PARN: variants seen among roughly 807,000 people sequenced by gnomAD.
PARN encodes poly(A)-specific ribonuclease.
A neutral mutation model predicts 102.8 loss-of-function variants in PARN; 71 were observed. The observed-to-expected ratio is 0.69, with a 90% confidence interval of 0.57 to 0.84. PARN has a LOEUF of 0.84. PARN is among the 40% of genes least tolerant of loss of function. The probability of loss-of-function intolerance (pLI) is 0.00; values close to 1 mark genes in which losing one functional copy is unlikely to be tolerated. For missense variants in PARN, 782 were observed against 760.9 expected (o/e 1.03, Z -0.33); for synonymous variants, 261 against 252.9 (o/e 1.03, Z -0.30).
intron 5 of PARN, among the ~76,000 whole-genome samples, chr16:14,619,138 G>C (rs939496083): frequency 6.6e-6 from 1 of 151,996 alleles, no homozygotes; most frequent in African/African-American, 2.4e-5. Context: ...AGGAGGTTGA[G>C]GCTGTAGTGG....
At chr16:14,456,454 G>A (rs373946216) in intron 22 of PARN, among the ~76,000 whole-genome samples, 23 of 152,084 alleles carry the variant, frequency 1.5e-4, no homozygotes, top group South Asian at 8.3e-4. Context: ...TATTATAGGC[G>A]TGAACCATCA....
intron 12 of PARN, 41 bp downstream of exon 12, chr16:14,599,863 A>C: frequency 8.1e-7 from 1 of 1,234,664 alleles, no homozygotes; most frequent in Non-Finnish European, 1.2e-6. Flanking sequence ...CACCTGAAAT[A>C]GTATGTTCTG....
rs114773691 is a variant in PARN, at chr16:14,478,724, G to C, written c.1670+3914C>G. 2.0e-3 allele frequency among the ~76,000 whole-genome samples: 310 copies of C among 152,268 alleles called. 1 individual carries two copies. The highest frequency in any genetic ancestry group is 7.1e-3 in the African/African-American group (295 of 41,558). Reference sequence around the variant, plus strand: ...TGGAATATTTTAAAAAATCCTATCAGAACAAATAAGTGAATTTAAAAAGGT... The same window carrying C: ...TGGAATATTTTAAAAAATCCTATCACAACAAATAAGTGAATTTAAAAAGGT... On this transcript the variant is annotated intron_variant, in intron 22 of 23. Coordinates refer to ENST00000437198, the MANE Select transcript of PARN (RefSeq NM_002582.4).
At chr16:14,630,073 T>C in intron 1 of PARN, 34 bp downstream of exon 1, 1 of 1,544,998 alleles carries the variant, frequency 6.5e-7, no homozygotes, top group Non-Finnish European at 8.8e-7. Flanking sequence ...CAGCCGGGTG[T>C]GGGGAGGCGG....
At chr16:14,597,723 T>TCATGAACCA (rs1970612029) in intron 12 of PARN, among the ~76,000 whole-genome samples, 1 of 151,744 alleles carries the variant, frequency 6.6e-6, no homozygotes, top group South Asian at 2.1e-4. Flanking sequence ...TTGATCGACA[T>TCATGAACCA]CATGAACCAT....
At chr16:14,536,436 T>G (rs1490712665) in intron 21 of PARN, among the ~76,000 whole-genome samples, 6 of 152,222 alleles carry the variant, frequency 3.9e-5, no homozygotes, top group Non-Finnish European at 8.8e-5. Context: ...AAGAGCAAAC[T>G]GGCAGATTAA....
intron 1 of PARN, 71 bp from the exon 2 acceptor site, chr16:14,629,745 C>G: frequency 8.8e-7 from 1 of 1,133,224 alleles, no homozygotes; most frequent in South Asian, 1.2e-5. Flanking sequence ...GGAAGGAGGG[C>G]CGAGGAGCTC....
intron 21 of PARN, among the ~76,000 whole-genome samples, chr16:14,550,354 C>T (rs1448387070): frequency 6.6e-6 from 1 of 152,180 alleles, no homozygotes; most frequent in Non-Finnish European, 1.5e-5. Flanking sequence ...GAGTACATTC[C>T]ACCCTGAAAT....
intron 22 of PARN, among the ~76,000 whole-genome samples, chr16:14,478,480 C>T (rs936745712): frequency 6.6e-6 from 1 of 152,068 alleles, no homozygotes; most frequent in Admixed American, 6.5e-5. Context: ...ATATGAACAA[C>T]CTAAAATCTT....
At position 14,466,679 on chromosome 16, in the gene PARN, A is replaced by G. The variant is rs548314936; in HGVS notation, c.1670+15959T>C. On this transcript the variant is annotated intron_variant, in intron 22 of 23. Coordinates refer to ENST00000437198, the MANE Select transcript of PARN (RefSeq NM_002582.4). The stretch of plus-strand genomic sequence containing the variant: ...CAAAAATGTCCTCCCATCTATCCTC[A>G]CCTCCATCCATCTGAGTTACTGTGG... Among the ~76,000 whole-genome samples, 3 of 152,182 alleles carry G rather than the reference A, an allele frequency of 2.0e-5. No homozygotes were observed. In the East Asian group the frequency reaches 5.8e-4, roughly 29 times the overall value.
intron 21 of PARN, among the ~76,000 whole-genome samples, chr16:14,508,674 T>A (rs1183588414): frequency 6.6e-6 from 1 of 151,678 alleles, no homozygotes; most frequent in Non-Finnish European, 1.5e-5. Flanking sequence ...AAATCAACAT[T>A]GTAGGCTGAC....
chr16:14,592,855 T>G (rs1970277325), intron 13 of PARN, among the ~76,000 whole-genome samples: 1 of 152,098 alleles, frequency 6.6e-6, no homozygotes, highest in Non-Finnish European at 1.5e-5. Flanking sequence ...AAAAAGTTTG[T>G]GGCCAGGCGT....
intron 21 of PARN, among the ~76,000 whole-genome samples, chr16:14,515,516 G>A (rs569981140): frequency 2.0e-5 from 3 of 152,092 alleles, no homozygotes; most frequent in Non-Finnish European, 4.4e-5. Context: ...ATCCCATAAA[G>A]CAGTGGCAGA....
At chr16:14,627,059 G>T in intron 5 of PARN, 47 bp downstream of exon 5, 1 of 1,047,040 alleles carries the variant, frequency 9.6e-7, no homozygotes. Flanking sequence ...TTTCCATGCT[G>T]CCTCATCAGC....
intron 21 of PARN, among the ~76,000 whole-genome samples, chr16:14,521,814 A>G (rs1965748104): frequency 6.6e-6 from 1 of 152,096 alleles, no homozygotes; most frequent in African/African-American, 2.4e-5. Context: ...AAAAAAAAAA[A>G]ATACACGTAA....
At chr16:14,554,615 T>A (rs544827497) in intron 19 of PARN, among the ~76,000 whole-genome samples, 1 of 151,718 alleles carries the variant, frequency 6.6e-6, no homozygotes, top group South Asian at 2.1e-4. Context: ...ATTTTTTAAT[T>A]TTATTTTTGT....
At chr16:14,572,993 A>G (rs1164875004) in intron 18 of PARN, among the ~76,000 whole-genome samples, 2 of 151,882 alleles carry the variant, frequency 1.3e-5, no homozygotes, top group Non-Finnish European at 2.9e-5. Flanking sequence ...GGCTCAAGCA[A>G]TCCTCCTGCC....
At chr16:14,497,924 G>A (rs1322375063) in intron 21 of PARN, among the ~76,000 whole-genome samples, 2 of 152,064 alleles carry the variant, frequency 1.3e-5, no homozygotes, top group Non-Finnish European at 2.9e-5. Context: ...GAGAGCAAGA[G>A]ACCATCCTGG....
At chr16:14,547,124 T>G (rs1967001795) in intron 21 of PARN, among the ~76,000 whole-genome samples, 1 of 150,974 alleles carries the variant, frequency 6.6e-6, no homozygotes, top group Non-Finnish European at 1.5e-5. Context: ...AAAGATTTCC[T>G]GCTTGACTAC....
Sources: allele counts gnomAD v4.1 joint callset (sites outside exome capture counted in the v4.1 genomes callset), GRCh38; gene constraint gnomAD v4.1.1; transcripts MANE v1.5; gene names NCBI Gene and HGNC (gene_info 2026-07-23, HGNC 2026-07-21).